RIT2: variants seen among roughly 807,000 people sequenced by gnomAD.
The protein encoded by RIT2 is GTP-binding protein Rit2.
RIT2 carries 24 observed loss-of-function variants against 23.7 expected under a neutral mutation model. The ratio of observed to expected loss-of-function variants is 1.01; its 90% CI spans 0.73 to 1.43. The LOEUF (loss-of-function observed/expected upper bound fraction) is 1.43. Ranked by LOEUF, RIT2 falls within the 40% of genes most tolerant of loss-of-function variation. RIT2 has a pLI of 0.00. For missense variants in RIT2, 236 were observed against 266.9 expected, an observed-to-expected ratio of 0.88 and a Z score of 0.81; for synonymous variants, 107 against 91.1, an observed-to-expected ratio of 1.17 and a Z score of -0.99.
intron 4 of RIT2, among the ~76,000 whole-genome samples, chr18:42,907,219 C>T (rs1203532454): frequency 5.9e-5 from 9 of 151,960 alleles, no homozygotes; most frequent in Non-Finnish European, 8.8e-5. Flanking sequence ...GTGAAAAGTG[C>T]ATAAGGAAAA....
chr18:43,012,137 T>C (rs1238460481), intron 2 of RIT2, among the ~76,000 whole-genome samples: 1 of 151,786 alleles, frequency 6.6e-6, no homozygotes, highest in African/African-American at 2.4e-5. Flanking sequence ...TCAAGTTTCT[T>C]TAGTGATCAT....
At chr18:43,092,889 TTCTG>T (rs952178639) in intron 1 of RIT2, among the ~76,000 whole-genome samples, 2 of 152,066 alleles carry the variant, frequency 1.3e-5, no homozygotes, top group African/African-American at 4.8e-5. Context: ...CAGGGGAAGT[TTCTG>T]TCTTTTTGTT....
At chr18:42,745,593 G>T (rs1053768198) in intron 4 of RIT2, among the ~76,000 whole-genome samples, 1 of 151,920 alleles carries the variant, frequency 6.6e-6, no homozygotes, top group Non-Finnish European at 1.5e-5. Context: ...ATTCCTACTG[G>T]TAAACATGCC....
chr18:43,099,652 CAT>C (rs1201942114), intron 1 of RIT2, among the ~76,000 whole-genome samples: 1 of 152,064 alleles, frequency 6.6e-6, no homozygotes, highest in Non-Finnish European at 1.5e-5. Flanking sequence ...ATCATAAACA[CAT>C]GTGTATTTGT....
intron 2 of RIT2, among the ~76,000 whole-genome samples, chr18:43,030,209 GA>G (rs1460506836): frequency 6.6e-6 from 1 of 151,964 alleles, no homozygotes; most frequent in Non-Finnish European, 1.5e-5. Context: ...CATTCTAAAA[GA>G]ATGCATAAAA....
chr18:42,994,473 C>T (rs1330814647), intron 2 of RIT2, among the ~76,000 whole-genome samples: 1 of 152,126 alleles, frequency 6.6e-6, no homozygotes, highest in African/African-American at 2.4e-5. Context: ...ACAAAACCAT[C>T]ATATAAACTC....
At chr18:42,744,007 G>C (rs560711011) in intron 4 of RIT2, among the ~76,000 whole-genome samples, 10 of 152,138 alleles carry the variant, frequency 6.6e-5, no homozygotes, top group African/African-American at 2.2e-4. Flanking sequence ...AAGTGAAAAT[G>C]GTCGGTCCTT....
chr18:42,794,056 A>G (rs986682445), intron 4 of RIT2, among the ~76,000 whole-genome samples: 3 of 151,908 alleles, frequency 2.0e-5, no homozygotes, highest in African/African-American at 7.3e-5. Flanking sequence ...CAAGTTCACT[A>G]TTTAACTAGA....
At chr18:42,768,265 C>A (rs1913472045) in intron 4 of RIT2, among the ~76,000 whole-genome samples, 1 of 152,088 alleles carries the variant, frequency 6.6e-6, no homozygotes, top group Non-Finnish European at 1.5e-5. Flanking sequence ...TTACCATTAA[C>A]AAAATCATCT....
intron 1 of RIT2, among the ~76,000 whole-genome samples, chr18:43,083,978 C>A (rs767594954): frequency 3.9e-5 from 6 of 152,128 alleles, no homozygotes; most frequent in Non-Finnish European, 7.4e-5. Context: ...TTTCTGTAAT[C>A]TATCCATCTG....
chr18:43,097,631 A>G (rs576286351), intron 1 of RIT2, among the ~76,000 whole-genome samples: 1 of 152,082 alleles, frequency 6.6e-6, no homozygotes, highest in East Asian at 1.9e-4. Context: ...GTGTTTGTAT[A>G]AGAAAACAAT....
intron 4 of RIT2, among the ~76,000 whole-genome samples, chr18:42,818,079 A>G (rs1906047698): frequency 6.6e-6 from 1 of 152,058 alleles, no homozygotes; most frequent in African/African-American, 2.4e-5. Context: ...TATTAAAAAG[A>G]GTAATCATGT....
At chr18:42,834,548 A>C (rs1458457402) in intron 4 of RIT2, among the ~76,000 whole-genome samples, 2 of 151,864 alleles carry the variant, frequency 1.3e-5, no homozygotes, top group Non-Finnish European at 2.9e-5. Flanking sequence ...CTCTCTCTAA[A>C]ACACACACAC....
intron 2 of RIT2, among the ~76,000 whole-genome samples, chr18:43,001,192 C>T (rs943514463): frequency 6.6e-6 from 1 of 151,842 alleles, no homozygotes; most frequent in Admixed American, 6.6e-5. Context: ...GGATTTGAAG[C>T]CTTGCTACAG....
At chr18:42,924,039 A>C (rs1481437894) in intron 3 of RIT2, among the ~76,000 whole-genome samples, 2 of 152,012 alleles carry the variant, frequency 1.3e-5, no homozygotes, top group Non-Finnish European at 2.9e-5. Context: ...CTAATCATTA[A>C]ATTTATTTGA....
At chr18:42,938,393 A>T (rs545323429) in intron 3 of RIT2, among the ~76,000 whole-genome samples, 3 of 152,182 alleles carry the variant, frequency 2.0e-5, no homozygotes, top group Non-Finnish European at 4.4e-5. Context: ...GAGCAAAATG[A>T]TACTATAAAA....
intron 1 of RIT2, among the ~76,000 whole-genome samples, chr18:43,050,640 C>T (rs924092667): frequency 3.9e-5 from 6 of 152,062 alleles, no homozygotes; most frequent in Non-Finnish European, 7.4e-5. Context: ...TTCTGTCCTC[C>T]ATCTGCCCCA....
chr18:43,091,174 C>A (rs1375252375), intron 1 of RIT2, among the ~76,000 whole-genome samples: 1 of 151,420 alleles, frequency 6.6e-6, no homozygotes, highest in African/African-American at 2.4e-5. Context: ...TTATATATTT[C>A]ATTTACTATT....
chr18:42,957,907 G>A (rs539352539), intron 3 of RIT2, among the ~76,000 whole-genome samples: 6 of 152,246 alleles, frequency 3.9e-5, no homozygotes, highest in Non-Finnish European at 5.9e-5. Flanking sequence ...TAAACCTGTC[G>A]GAGAGAGCTT....
Sources: allele counts gnomAD v4.1 joint callset (sites outside exome capture counted in the v4.1 genomes callset), GRCh38; gene constraint gnomAD v4.1.1; transcripts MANE v1.5; gene names NCBI Gene and HGNC (gene_info 2026-07-23, HGNC 2026-07-21).